Variants in USP4 observed in about 807,000 individuals in gnomAD.
USP4 encodes the protein ubiquitin specific peptidase 4.
In USP4, 72 loss-of-function variants were observed where a neutral mutation model predicts 118.2. That is an observed-to-expected ratio of 0.61 (90% CI 0.50 to 0.74). The LOEUF is 0.74. Ranked by LOEUF, USP4 falls within the 30% of genes least tolerant of loss-of-function variation. The probability of loss-of-function intolerance (pLI) is 0.00; values close to 1 mark genes in which losing one functional copy is unlikely to be tolerated. For synonymous variants in USP4, 415 were observed against 440.4 expected (o/e 0.94, Z 0.72); for missense variants, 1,037 against 1,185.7 (o/e 0.87, Z 1.84).
intron 6 of USP4, chr3:49,312,301 A>G (rs2047391097): frequency 2.9e-6 from 1 of 342,422 alleles, no homozygotes; most frequent in African/African-American, 2.2e-5. Flanking sequence ...CAGGAGTTCA[A>G]GACACAGTGA....
At chr3:49,284,230 C>A (rs2107766174) in intron 18 of USP4, 94 bp from the exon 19 acceptor site, 1 of 1,515,256 alleles carries the variant, frequency 6.6e-7, no homozygotes, top group Admixed American at 1.8e-5. Context: ...CCCCTGATAG[C>A]TGCCATCCTC....
intron 6 of USP4, among the ~76,000 whole-genome samples, chr3:49,324,155 T>C (rs899139413): frequency 2.6e-5 from 4 of 152,122 alleles, no homozygotes; most frequent in African/African-American, 9.7e-5. Context: ...CCTGCCACCA[T>C]GCCTAGCTAA....
At chr3:49,329,910 C>T (rs1368632105) in intron 2 of USP4, among the ~76,000 whole-genome samples, 1 of 152,020 alleles carries the variant, frequency 6.6e-6, no homozygotes, top group Non-Finnish European at 1.5e-5. Flanking sequence ...CAGGCTGAGG[C>T]GGGAGGATCA....
At chr3:49,291,514 C>T (rs1026731588) in intron 15 of USP4, among the ~76,000 whole-genome samples, 3 of 144,854 alleles carry the variant, frequency 2.1e-5, no homozygotes, top group African/African-American at 7.7e-5. Context: ...GCAAAGGTTG[C>T]AGTGAGCCAA....
chr3:49,330,759 C>A (rs1368690912), intron 2 of USP4, among the ~76,000 whole-genome samples: 2 of 151,680 alleles, frequency 1.3e-5, no homozygotes, highest in Admixed American at 1.3e-4. Flanking sequence ...ACCTGTAATC[C>A]CAGCACTTTG....
intron 14 of USP4, among the ~76,000 whole-genome samples, chr3:49,293,266 A>G (rs2047169177): frequency 6.6e-6 from 1 of 151,746 alleles, no homozygotes; most frequent in Non-Finnish European, 1.5e-5. Flanking sequence ...TAATCCTAGC[A>G]CTCTGGGAGG....
chr3:49,292,029 G>T (rs1403696998), intron 15 of USP4, among the ~76,000 whole-genome samples: 1 of 151,992 alleles, frequency 6.6e-6, no homozygotes. Context: ...GAATGGTCTC[G>T]ATCTCCTGAC....
intron 19 of USP4, among the ~76,000 whole-genome samples, chr3:49,281,487 T>TAC (rs1214724342): frequency 1.6e-4 from 18 of 113,354 alleles, no homozygotes; most frequent in Admixed American, 3.6e-4. Flanking sequence ...TATATATATA[T>TAC]ATATACACAC....
intron 19 of USP4, among the ~76,000 whole-genome samples, chr3:49,282,922 ACTCTCCGGCTCC>A (rs2047050530): frequency 7.6e-6 from 1 of 131,666 alleles, no homozygotes; most frequent in African/African-American, 3.0e-5. Flanking sequence ...TGGCCAGGCT[ACTCTCCGGCTCC>A]TGATCTCAAG....
chr3:49,292,492 A>G lies in USP4; in HGVS notation c.1972+18T>C. On this transcript the variant is annotated intron_variant, in intron 15 of 21. Coordinates refer to ENST00000265560, the MANE Select transcript of USP4 (RefSeq NM_003363.4). ...GGTATTTGGTCAGTCACAGCCACAGAGCATGGTGCATACTCACCTTCACAG... is the reference window on the plus strand; with the variant it reads ...GGTATTTGGTCAGTCACAGCCACAGGGCATGGTGCATACTCACCTTCACAG... 6.6e-7 allele frequency: 1 copy of G among 1,511,908 alleles called. No individual in the cohort carries two copies. Among genetic ancestry groups the G allele is most frequent in the South Asian group, 1.2e-5 (1 of 80,482 alleles). 93.7% of individuals were successfully genotyped at this position (1,511,908 alleles called of 1,614,324 possible).
intron 18 of USP4, 151 bp from the exon 19 acceptor site, chr3:49,284,287 C>T (rs2047070990): frequency 8.2e-7 from 1 of 1,214,860 alleles, no homozygotes; most frequent in Admixed American, 2.2e-5. Flanking sequence ...ACCTGTCTTC[C>T]AAAATGGGGT....
chr3:49,305,924 C>G, intron 8 of USP4, 36 bp from the exon 9 acceptor site: 1 of 1,576,224 alleles, frequency 6.3e-7, no homozygotes, highest in Non-Finnish European at 8.6e-7. Context: ...TACACACCTT[C>G]TAGACAGTAC....
chr3:49,280,016 CTT>C (rs1017552655), intron 20 of USP4, among the ~76,000 whole-genome samples: 2 of 152,196 alleles, frequency 1.3e-5, no homozygotes, highest in African/African-American at 4.8e-5. Context: ...GATCCCAACA[CTT>C]TGGGAGGCCA....
chr3:49,332,703 T>A (rs544309274), intron 2 of USP4, among the ~76,000 whole-genome samples: 92 of 151,546 alleles, frequency 6.1e-4, no homozygotes, highest in Admixed American at 2.0e-3. Flanking sequence ...CTCAAAAAAA[T>A]AATAATAATA....
chr3:49,296,895 A>T (rs2047215352), intron 13 of USP4, among the ~76,000 whole-genome samples: 1 of 152,230 alleles, frequency 6.6e-6, no homozygotes, highest in African/African-American at 2.4e-5. Flanking sequence ...GCTTGGGGTT[A>T]TATGTGAAAG....
rs781344502 is a variant in USP4, at chr3:49,305,812, G to A, written c.1031C>T (p.Pro344Leu). 1.1e-5 allele frequency: 17 copies of A among 1,614,110 alleles called. No homozygotes were observed. Among genetic ancestry groups the A allele is most frequent in the Non-Finnish European group, 1.4e-5 (17 of 1,180,026 alleles). The change falls in exon 9 of 22, where the codon CCT (proline) becomes CTT (leucine). Residue 344 changes from proline to leucine, a missense_variant. Pro to Leu is a moderately conservative substitution (Grantham distance 98). This residue lies in a region of USP4 where 487 missense variants were observed against 534.1 expected (regional missense o/e 0.91). Coordinates refer to ENST00000265560, the MANE Select transcript of USP4 (RefSeq NM_003363.4). ...TGCAATTTCCCCTTTCATCCCCAGA[G>A]GGTTGTCTCTGTTGATTTCGGCTTC... ...EYEAEINRDN[P>L]LGMKGEIAEA...
intron 6 of USP4, among the ~76,000 whole-genome samples, chr3:49,324,289 A>G (rs113550365): frequency 7.9e-5 from 12 of 152,282 alleles, no homozygotes; most frequent in African/African-American, 2.6e-4. Flanking sequence ...ATGAGCCACC[A>G]TGCTCAGGCC....
rs766292692 is a variant in USP4, at chr3:49,298,639, C to T, written c.1513-4G>A. ...TCAGCGGCACAGTCACACGGTACTG[C>T]AAGACAGAGATGGTCAAGGTCACAG... is the stretch of plus-strand genomic sequence containing the variant. On this transcript the variant is annotated splice_polypyrimidine_tract_variant and splice_region_variant and intron_variant, in intron 11 of 21. Coordinates refer to ENST00000265560, the MANE Select transcript of USP4 (RefSeq NM_003363.4). 1 of 1,614,002 alleles carries T rather than the reference C, an allele frequency of 6.2e-7. No individual in the cohort carries two copies. The highest frequency in any genetic ancestry group is 8.5e-7 in the Non-Finnish European group (1 of 1,179,896).
In USP4 at chr3:49,284,837, C is replaced by G; in HGVS notation, c.2271+12G>C. ...AGCAGACACCACCGACCACGAACCC[C>G]GAGGGACCTACCTCAGATTCTTGCT... On this transcript the variant is annotated intron_variant, in intron 17 of 21. Coordinates refer to ENST00000265560, the MANE Select transcript of USP4 (RefSeq NM_003363.4). The G allele has an allele frequency of 1.2e-6, 2 of 1,613,100 alleles. No individual in the cohort carries two copies. Among genetic ancestry groups the G allele is most frequent in the South Asian group, 2.2e-5 (2 of 90,958 alleles).
Sources: gnomAD v4.1 joint callset for allele counts (sites outside exome capture counted in the v4.1 genomes callset) on GRCh38, gnomAD v4.1.1 for gene constraint, gnomAD v4.1.1 regional missense constraint, MANE v1.5 for transcripts, NCBI Gene and HGNC (gene_info 2026-07-23, HGNC 2026-07-21) for gene names.